Variants in KCND3 observed in about 807,000 individuals in gnomAD.
The protein encoded by KCND3 is A-type voltage-gated potassium channel KCND3.
Under a neutral mutation model 51.1 loss-of-function variants are expected in KCND3, and 9 were observed. The ratio of observed to expected loss-of-function variants is 0.18; its 90% CI spans 0.11 to 0.31. KCND3 has a LOEUF of 0.31. KCND3 is among the 10% of genes least tolerant of loss of function. The pLI is 1.00. For missense variants in KCND3, 526 were observed against 903.8 expected, an observed-to-expected ratio of 0.58 and a Z score of 5.36; for synonymous variants, 349 against 368.0, an observed-to-expected ratio of 0.95 and a Z score of 0.59.
intron 2 of KCND3, among the ~76,000 whole-genome samples, chr1:111,880,953 C>T (rs1244554473): frequency 6.6e-6 from 1 of 152,258 alleles, no homozygotes; most frequent in East Asian, 1.9e-4. Flanking sequence ...CTGCCTTGGC[C>T]CTTGGCTCCC....
chr1:111,942,517 C>G (rs1167976794), intron 2 of KCND3, among the ~76,000 whole-genome samples: 1 of 152,194 alleles, frequency 6.6e-6, no homozygotes, highest in Non-Finnish European at 1.5e-5. Flanking sequence ...CCAGTGGGGA[C>G]AAAAGTCAAA....
rs567744329 is a variant in KCND3 at position 111,926,402 on chromosome 1, G to T, written c.1106+55219C>A. On this transcript the variant is annotated intron_variant, in intron 2 of 7. Transcript: ENST00000302127. Reference sequence around the variant, plus strand: ...AACCTCTTATTAAAGATGAGGTGAGGCACAGTGGTTAAGTAATGCATCCAA... The same window carrying T: ...AACCTCTTATTAAAGATGAGGTGAGTCACAGTGGTTAAGTAATGCATCCAA... Among the ~76,000 whole-genome samples the T allele has an allele frequency of 1.6e-4, 24 of 152,338 alleles. 1 individual carries two copies. In the East Asian group the frequency reaches 1.9e-3, roughly 12 times the overall value.
intron 2 of KCND3, among the ~76,000 whole-genome samples, chr1:111,801,850 T>C (rs1665328672): frequency 6.6e-6 from 1 of 152,146 alleles, no homozygotes; most frequent in East Asian, 1.9e-4. Flanking sequence ...TCTCAGACTC[T>C]TACAGGTCTT....
At chr1:111,838,043 G>A (rs989895949) in intron 2 of KCND3, among the ~76,000 whole-genome samples, 4 of 152,184 alleles carry the variant, frequency 2.6e-5, no homozygotes, top group Admixed American at 6.5e-5. Flanking sequence ...TGCTCACCTG[G>A]GCTGAGGTCA....
intron 2 of KCND3, among the ~76,000 whole-genome samples, chr1:111,920,871 C>G (rs1463230847): frequency 6.6e-6 from 1 of 152,246 alleles, no homozygotes; most frequent in Admixed American, 6.5e-5. Context: ...CACGGTACCT[C>G]TTACTTTGAC....
chr1:111,928,919 T>G (rs907538070), intron 2 of KCND3, among the ~76,000 whole-genome samples: 34 of 152,354 alleles, frequency 2.2e-4, no homozygotes, highest in African/African-American at 7.5e-4. Flanking sequence ...CAGACATGAC[T>G]GTTTCACAGA....
At chr1:111,903,627 C>T (rs914195445) in intron 2 of KCND3, among the ~76,000 whole-genome samples, 1 of 152,208 alleles carries the variant, frequency 6.6e-6, no homozygotes, top group African/African-American at 2.4e-5. Flanking sequence ...GAAGCCCTCA[C>T]CTGGCATTGG....
intron 3 of KCND3, among the ~76,000 whole-genome samples, chr1:111,783,064 G>GA (rs1286591051): frequency 6.6e-6 from 1 of 152,140 alleles, no homozygotes; most frequent in African/African-American, 2.4e-5. Flanking sequence ...GAGTTGGCTG[G>GA]AAGGCCATGC....
intron 2 of KCND3, among the ~76,000 whole-genome samples, chr1:111,899,573 C>G (rs1670285673): frequency 6.6e-6 from 1 of 152,214 alleles, no homozygotes; most frequent in Non-Finnish European, 1.5e-5. Flanking sequence ...CCACCAGTTA[C>G]AGGGGGTCTG....
At chr1:111,834,349 G>A (rs1055367237) in intron 2 of KCND3, among the ~76,000 whole-genome samples, 2 of 152,204 alleles carry the variant, frequency 1.3e-5, no homozygotes, top group African/African-American at 2.4e-5. Context: ...GCTGAGAAGA[G>A]CTTGAAAAAC....
At position 111,888,635 on chromosome 1, in the gene KCND3, T is replaced by A. The variant is rs372347420; in HGVS notation, c.1106+92986A>T. On this transcript the variant is annotated intron_variant, in intron 2 of 7. Coordinates refer to ENST00000302127, the MANE Select transcript of KCND3 (RefSeq NM_001378969.1). ...AGGCAGAGGTTGCAGTGAGCCAAGA[T>A]CACACCACTGCACTCCAGCCTGGAT... is the stretch of plus-strand genomic sequence containing the variant. Among the ~76,000 whole-genome samples the A allele has an allele frequency of 1.4e-3, 184 of 128,194 alleles. 2 individuals carry two copies. The Middle Eastern group carries it at 0.019, about 13-fold the overall frequency. 84.1% of individuals were successfully genotyped at this position (128,194 alleles called of 152,430 possible). A position where few individuals can be genotyped will look rare whatever the true frequency, so the allele number is the denominator to read the frequency against.
chr1:111,884,103 A>G (rs1475009792), intron 2 of KCND3, among the ~76,000 whole-genome samples: 2 of 152,190 alleles, frequency 1.3e-5, no homozygotes, highest in Admixed American at 1.3e-4. Flanking sequence ...CCCTAGTAGC[A>G]TCTTGGGTAG....
chr1:111,967,140 CA>C lies in KCND3; in HGVS notation c.1106+14480del, dbSNP rs557157736. 7.3e-4 allele frequency among the ~76,000 whole-genome samples: 49 copies of C among 67,508 alleles called. No homozygotes were observed. The South Asian group carries it at 9.6e-3, about 13-fold the overall frequency. 44.3% of individuals were successfully genotyped at this position (67,508 alleles called of 152,430 possible). On this transcript the variant is annotated intron_variant, in intron 2 of 7. Transcript: ENST00000302127. ...GGGAGACAAGAGTGAGATTCCGTCT[CA>C]AAAAAAAAAAAACAAAAACAAAAAA...
At chr1:111,816,870 T>G (rs2101587410) in intron 2 of KCND3, among the ~76,000 whole-genome samples, 1 of 152,300 alleles carries the variant, frequency 6.6e-6, no homozygotes, top group Middle Eastern at 3.4e-3. Flanking sequence ...CTACATGCAC[T>G]CACACCTACT....
At chr1:111,940,326 C>T (rs750161447) in intron 2 of KCND3, among the ~76,000 whole-genome samples, 1 of 151,694 alleles carries the variant, frequency 6.6e-6, no homozygotes, top group Non-Finnish European at 1.5e-5. Context: ...AATGGTATTG[C>T]CTAGGTTTTC....
rs1664312551 is a variant in KCND3 at position 111,780,224 on chromosome 1, C to T, written c.1461+1G>A. 2 of 1,582,218 alleles carry T rather than the reference C, an allele frequency of 1.3e-6. No homozygotes were observed. Among genetic ancestry groups the T allele is most frequent in the Non-Finnish European group, 1.7e-6 (2 of 1,163,292 alleles). ...GGAGGTGGCAAAGGGCTGGGACTCA[C>T]AGTGGTTTTTTCCAGGCAGTGCAGC... On this transcript the variant is annotated splice_donor_variant, in intron 5 of 7. Coordinates refer to ENST00000302127, the MANE Select transcript of KCND3 (RefSeq NM_001378969.1). LOFTEE classifies it high-confidence loss of function. The surrounding 1 kb of genome is among the most constrained non-coding windows in gnomAD (Gnocchi z 4.2).
chr1:111,786,885 T>C, intron 3 of KCND3, 59 bp downstream of exon 3: 1 of 1,602,130 alleles, frequency 6.2e-7, no homozygotes. Context: ...CCTGGCTCCC[T>C]GACTGGTGCT....
chr1:111,843,691 T>C (rs1458348804), intron 2 of KCND3, among the ~76,000 whole-genome samples: 1 of 152,122 alleles, frequency 6.6e-6, no homozygotes, highest in East Asian at 1.9e-4. Flanking sequence ...AATAAGCCCA[T>C]TGAGAGAATA....
chr1:111,795,896 G>A (rs1257094633), intron 2 of KCND3, among the ~76,000 whole-genome samples: 1 of 152,090 alleles, frequency 6.6e-6, no homozygotes, highest in African/African-American at 2.4e-5. Context: ...GTGTGAGCTG[G>A]TATCTCACTG....
Sources: gnomAD v4.1 joint callset for allele counts (sites outside exome capture counted in the v4.1 genomes callset) on GRCh38, gnomAD v4.1.1 for gene constraint, Gnocchi (gnomAD v3.1) non-coding constraint, MANE v1.5 for transcripts, NCBI Gene and HGNC (gene_info 2026-07-23, HGNC 2026-07-21) for gene names.